Variants in BNC2 observed in about 807,000 individuals in gnomAD.
The protein encoded by BNC2 is zinc finger protein basonuclin-2.
BNC2 carries 20 observed loss-of-function variants against 76.3 expected under a neutral mutation model. That is an observed-to-expected ratio of 0.26 (90% CI 0.18 to 0.38). The LOEUF (loss-of-function observed/expected upper bound fraction) is 0.38. Ranked by LOEUF, BNC2 falls within the 10% of genes least tolerant of loss-of-function variation. The pLI, the probability that BNC2 is intolerant of heterozygous loss-of-function variation, is 1.00. For synonymous variants in BNC2, 582 were observed against 514.8 expected (o/e 1.13, Z -1.77); for missense variants, 1,382 against 1,399.8 (o/e 0.99, Z 0.20).
At chr9:16,477,376 T>TA (rs532774860) in intron 5 of BNC2, among the ~76,000 whole-genome samples, 317 of 146,850 alleles carry the variant, frequency 2.2e-3, no homozygotes, top group South Asian at 4.5e-3. Flanking sequence ...ACAAGGAGAT[T>TA]AAAAAAAAAA....
chr9:16,591,891 C>G lies in BNC2; in HGVS notation c.331-8806G>C, dbSNP rs139221354. 4.6e-5 allele frequency among the ~76,000 whole-genome samples: 7 copies of G among 152,116 alleles called. No individual in the cohort carries two copies. In the East Asian group the frequency reaches 9.7e-4, roughly 21 times the overall value. ...TTTTTAATGTCATATGAAGAAATAG[C>G]AAGCTGGTAAAAAATGATTATTTTG... On this transcript the variant is annotated intron_variant, in intron 3 of 6. Transcript: ENST00000380672.
chr9:16,410,573 G>A lies in BNC2; in HGVS notation c.*8416C>T, dbSNP rs1156365547. Reference sequence around the variant, plus strand: ...CTAGAAATCTTAGATAGTCTTATCAGGTTAAGATATAATACTAGAACATCT... The same window carrying A: ...CTAGAAATCTTAGATAGTCTTATCAAGTTAAGATATAATACTAGAACATCT... On this transcript the variant is annotated 3_prime_UTR_variant, in exon 7 of 7. Coordinates refer to ENST00000380672, the MANE Select transcript of BNC2 (RefSeq NM_017637.6). 2.0e-5 allele frequency: 3 copies of A among 152,610 alleles called. No homozygotes were observed. The highest frequency in any genetic ancestry group is 7.2e-5 in the African/African-American group (3 of 41,442). 9.5% of individuals were successfully genotyped at this position (152,610 alleles called of 1,614,324 possible). A position where few individuals can be genotyped will look rare whatever the true frequency, so the allele number is the denominator to read the frequency against.
intron 1 of BNC2, among the ~76,000 whole-genome samples, chr9:16,840,218 T>C (rs1818794360): frequency 6.6e-6 from 1 of 152,198 alleles, no homozygotes. Flanking sequence ...GCAATGTTTA[T>C]CACATACCCA....
intron 4 of BNC2, among the ~76,000 whole-genome samples, chr9:16,561,340 C>T (rs940117712): frequency 1.3e-4 from 19 of 151,768 alleles, no homozygotes; most frequent in African/African-American, 4.1e-4. Flanking sequence ...GAGATAGAAA[C>T]GGGGAGGGAT....
intron 1 of BNC2, among the ~76,000 whole-genome samples, chr9:16,842,554 T>C (rs150110389): frequency 1.2e-3 from 185 of 152,266 alleles, no homozygotes; most frequent in African/African-American, 4.3e-3. Flanking sequence ...TAGAACTAAA[T>C]AGTGTTGATG....
chr9:16,841,066 G>A (rs1818813634), intron 1 of BNC2, among the ~76,000 whole-genome samples: 1 of 152,162 alleles, frequency 6.6e-6, no homozygotes, highest in Non-Finnish European at 1.5e-5. Context: ...GGGCAGAAAT[G>A]ACCTCATGGG....
chr9:16,571,078 T>G (rs1563844479), intron 4 of BNC2, among the ~76,000 whole-genome samples: 1 of 152,182 alleles, frequency 6.6e-6, no homozygotes, highest in Non-Finnish European at 1.5e-5. Context: ...CCTTGAGATA[T>G]TTTACTGTAT....
rs560904867 is a variant in BNC2, at chr9:16,424,259, C to T, written c.2640-4610G>A. On this transcript the variant is annotated intron_variant, in intron 6 of 6. Transcript: ENST00000380672. ...TTGGCTTTAAGATATCGGGGAGACACGAAAAAGAAAAAAAAAAAAAACAAG... is the reference window on the plus strand; with the variant it reads ...TTGGCTTTAAGATATCGGGGAGACATGAAAAAGAAAAAAAAAAAAAACAAG... Among the ~76,000 whole-genome samples the T allele has an allele frequency of 1.9e-4, 26 of 137,880 alleles. No individual in the cohort carries two copies. The East Asian group carries it at 2.1e-3, about 11-fold the overall frequency. The allele number at this position is 137,880 out of a possible 152,430, so 90.5% of individuals were successfully genotyped here.
rs562322766 is a variant in BNC2, at chr9:16,863,204, C to T, written c.3+7442G>A. Among the ~76,000 whole-genome samples, 8 of 152,238 alleles carry T rather than the reference C, an allele frequency of 5.3e-5. No homozygotes were observed. The East Asian group carries it at 1.6e-3, about 30-fold the overall frequency. ...CTGGGATTACAGGCATGAGCCACCA[C>T]GCCCTGCCCCATCTCAATATATTCT... is the stretch of plus-strand genomic sequence containing the variant. On this transcript the variant is annotated intron_variant, in intron 1 of 6. Transcript: ENST00000380672.
intron 3 of BNC2, among the ~76,000 whole-genome samples, chr9:16,672,314 G>A (rs944398307): frequency 6.6e-5 from 10 of 152,110 alleles, no homozygotes; most frequent in African/African-American, 1.2e-4. Context: ...TGGCTAACAC[G>A]GTGAAACCCC....
chr9:16,774,882 T>C (rs933290767), intron 1 of BNC2, among the ~76,000 whole-genome samples: 1 of 152,254 alleles, frequency 6.6e-6, no homozygotes, highest in African/African-American at 2.4e-5. Context: ...ATATCTGTTA[T>C]CCAGTGACCC....
rs555171314 is a variant in BNC2, at chr9:16,841,592, T to C, written c.3+29054A>G. 2.0e-5 allele frequency among the ~76,000 whole-genome samples: 3 copies of C among 152,302 alleles called. No individual in the cohort carries two copies. In the East Asian group the frequency reaches 5.8e-4, roughly 29 times the overall value. Reference sequence around the variant, plus strand: ...ATTTAAGTTAACAATGGAACCCTTATGATCCTTGAGTGGTTTCACTGCACT... The same window carrying C: ...ATTTAAGTTAACAATGGAACCCTTACGATCCTTGAGTGGTTTCACTGCACT... On this transcript the variant is annotated intron_variant, in intron 1 of 6. Coordinates refer to ENST00000380672, the MANE Select transcript of BNC2 (RefSeq NM_017637.6).
intron 5 of BNC2, among the ~76,000 whole-genome samples, chr9:16,510,555 A>G (rs1436787759): frequency 3.9e-5 from 6 of 152,248 alleles, no homozygotes; most frequent in African/African-American, 1.4e-4. Flanking sequence ...CATGCTGTAT[A>G]TATTTGCACC....
At chr9:16,677,653 G>C (rs977763378) in intron 3 of BNC2, among the ~76,000 whole-genome samples, 12 of 149,974 alleles carry the variant, frequency 8.0e-5, no homozygotes, top group Admixed American at 8.0e-4. Flanking sequence ...CTTCAAACAC[G>C]TCTCAAGTTA....
At chr9:16,657,178 T>G (rs1156318151) in intron 3 of BNC2, among the ~76,000 whole-genome samples, 1 of 151,978 alleles carries the variant, frequency 6.6e-6, no homozygotes, top group Non-Finnish European at 1.5e-5. Context: ...TTTAAAATAA[T>G]GGGAATGAGT....
Position 16,564,706 on chromosome 9 carries a change from T to C in BNC2, c.434-11941A>G, listed in dbSNP as rs539498238. 6.9e-4 allele frequency among the ~76,000 whole-genome samples: 105 copies of C among 152,322 alleles called. 1 individual carries two copies. Among genetic ancestry groups the C allele is most frequent in the Non-Finnish European group, 1.1e-3 (73 of 68,034 alleles). On this transcript the variant is annotated intron_variant, in intron 4 of 6. Transcript: ENST00000380672. ...GACTTCTTTGTGTGTCATTTTCTCA[T>C]AGGTGCTTATTGACAAAATGTTCTA...
At chr9:16,479,911 T>C (rs536342049) in intron 5 of BNC2, among the ~76,000 whole-genome samples, 1 of 152,330 alleles carries the variant, frequency 6.6e-6, no homozygotes, top group South Asian at 2.1e-4. Flanking sequence ...TTTCCAAATG[T>C]TTCTAAAATC....
At chr9:16,707,198 C>CG (rs1474918070) in intron 3 of BNC2, among the ~76,000 whole-genome samples, 6 of 138,538 alleles carry the variant, frequency 4.3e-5, no homozygotes, top group African/African-American at 1.7e-4. Flanking sequence ...CAAGACTCCG[C>CG]CCCCCCGCCA....
At chr9:16,478,548 T>A (rs573906099) in intron 5 of BNC2, among the ~76,000 whole-genome samples, 1 of 152,254 alleles carries the variant, frequency 6.6e-6, no homozygotes, top group African/African-American at 2.4e-5. Flanking sequence ...TGCCTTTTTT[T>A]AGATGTAATC....
Sources: gnomAD v4.1 joint callset for allele counts (sites outside exome capture counted in the v4.1 genomes callset) on GRCh38, gnomAD v4.1.1 for gene constraint, MANE v1.5 for transcripts, NCBI Gene and HGNC (gene_info 2026-07-23, HGNC 2026-07-21) for gene names.